DMD: variants seen among roughly 807,000 people sequenced by gnomAD.
DMD encodes the protein dystrophin.
DMD carries 63 observed loss-of-function variants against 330.1 expected under a neutral mutation model. That is an observed-to-expected ratio of 0.19 (90% CI 0.16 to 0.24). The LOEUF (loss-of-function observed/expected upper bound fraction) is 0.24. Ranked by LOEUF, DMD falls within the 10% of genes least tolerant of loss-of-function variation. The pLI, the probability that DMD is intolerant of heterozygous loss-of-function variation, is 1.00. For synonymous variants in DMD, 1,223 were observed against 959.8 expected, an observed-to-expected ratio of 1.27 and a Z score of -5.07; for missense variants, 3,344 against 2,684.1, an observed-to-expected ratio of 1.25 and a Z score of -5.43.
At chrX:33,030,668 T>A (rs1027243772) in intron 1 of DMD, among the ~76,000 whole-genome samples, 5 of 111,624 alleles carry the variant, frequency 4.5e-5, no homozygotes, top group African/African-American at 9.8e-5. Context: ...CCAGTGTAAT[T>A]TAGAGGTGAA....
chrX:32,787,217 T>A (rs1415697430), intron 7 of DMD, among the ~76,000 whole-genome samples: 4 of 46,346 alleles, frequency 8.6e-5, no homozygotes, highest in Non-Finnish European at 2.0e-4. Flanking sequence ...CTGTCAAGTG[T>A]GTGTGTGTGT....
intron 55 of DMD, among the ~76,000 whole-genome samples, chrX:31,521,323 C>T (rs1168452488): frequency 7.2e-5 from 8 of 110,425 alleles, no homozygotes; most frequent in African/African-American, 9.9e-5. Flanking sequence ...CCACCATGCC[C>T]GGCCAGTTTT....
chrX:32,593,057 G>T (rs1177866802), intron 13 of DMD, among the ~76,000 whole-genome samples: 2 of 112,685 alleles, frequency 1.8e-5, no homozygotes, highest in African/African-American at 6.5e-5. Context: ...CTTGCCCTTG[G>T]CAGGCATGGG....
intron 42 of DMD, among the ~76,000 whole-genome samples, chrX:32,300,854 C>T (rs331320): frequency 0.44 from 48,457 of 109,018 alleles, 7,913 homozygotes; most frequent in East Asian, 0.59. Flanking sequence ...ACCTCAAAAA[C>T]TGATGATCAC....
chrX:32,375,541 ACAGAAAGTATAC>A (rs1218131363), intron 34 of DMD, among the ~76,000 whole-genome samples: 1 of 112,122 alleles, frequency 8.9e-6, no homozygotes, highest in East Asian at 2.8e-4. Flanking sequence ...TTTTAGACAC[ACAGAAAGTATAC>A]CAAATGTAAT....
At chrX:32,596,503 CCTTCT>C (rs771337848) in intron 12 of DMD, among the ~76,000 whole-genome samples, 24 of 109,256 alleles carry the variant, frequency 2.2e-4, no homozygotes, top group African/African-American at 8.0e-4. Flanking sequence ...ATTCTTGACA[CCTTCT>C]CTTGATTACC....
chrX:32,387,594 C>T (rs768226137), intron 32 of DMD, among the ~76,000 whole-genome samples: 4 of 111,180 alleles, frequency 3.6e-5, no homozygotes, highest in Non-Finnish European at 5.7e-5. Flanking sequence ...CTGATCAATG[C>T]TACATGTATA....
chrX:33,299,546 A>T (rs1319051082), intron 1 of DMD, among the ~76,000 whole-genome samples: 3 of 111,584 alleles, frequency 2.7e-5, no homozygotes, highest in Admixed American at 1.9e-4. Context: ...TGGGCTAGGT[A>T]GTTGCTTCAG....
chrX:31,464,614 G>T (rs1204984410), intron 59 of DMD, among the ~76,000 whole-genome samples: 1 of 112,458 alleles, frequency 8.9e-6, no homozygotes, highest in Admixed American at 9.4e-5. Flanking sequence ...TGGTTCCAAT[G>T]TATACTACAC....
intron 52 of DMD, among the ~76,000 whole-genome samples, chrX:31,709,220 G>A (rs1232025173): frequency 9.0e-5 from 10 of 111,516 alleles, no homozygotes; most frequent in African/African-American, 2.9e-4. Flanking sequence ...GCAGTGAGCC[G>A]AGATTGAGCC....
At chrX:32,552,497 C>G (rs962439925) in intron 16 of DMD, among the ~76,000 whole-genome samples, 8 of 111,717 alleles carry the variant, frequency 7.2e-5, no homozygotes, top group African/African-American at 2.6e-4. Context: ...TAATGCCACT[C>G]TGGACATTGA....
chrX:31,196,994 T>G (rs1266798922), intron 67 of DMD, among the ~76,000 whole-genome samples: 1 of 111,207 alleles, frequency 9.0e-6, no homozygotes, highest in African/African-American at 3.3e-5. Context: ...TGTTTTGTTA[T>G]AGATAAAAGC....
At chrX:32,994,416 G>A (rs2093063646) in intron 2 of DMD, among the ~76,000 whole-genome samples, 1 of 110,082 alleles carries the variant, frequency 9.1e-6, no homozygotes, top group Non-Finnish European at 1.9e-5. Context: ...TTCTTTCTCC[G>A]TTTAGCCTTG....
rs969221046 is a variant in DMD at position 32,221,927 on chromosome X, G to T, written c.6291-4864C>A. On this transcript the variant is annotated intron_variant, in intron 43 of 78. Coordinates refer to ENST00000357033, the MANE Select transcript of DMD (RefSeq NM_004006.3). ...GGCTGAGTAGTATTGCATGGTATGT[G>T]GCTGAATAGTATTTCACGGTATATG... Among the ~76,000 whole-genome samples the T allele has an allele frequency of 1.5e-4, 17 of 111,964 alleles. 1 individual carries two copies. The highest frequency in any genetic ancestry group is 5.5e-4 in the African/African-American group (17 of 30,830).
rs746437287 is a variant in DMD, at chrX:31,967,297, GGTGTGTGTGTGTGTGTGTGT to G, written c.6614+1022_6614+1041del. On this transcript the variant is annotated intron_variant, in intron 45 of 78. Coordinates refer to ENST00000357033, the MANE Select transcript of DMD (RefSeq NM_004006.3). ...CTATAATTCTTTAACTTTGGCAAGG[GGTGTGTGTGTGTGTGTGTGT>G]GTGTGTGTGTGTGTGTGTGTGTGTG... Among the ~76,000 whole-genome samples, 387 of 74,579 alleles carry G rather than the reference GGTGTGTGTGTGTGTGTGTGT, an allele frequency of 5.2e-3. 4 individuals carry two copies. The highest frequency in any genetic ancestry group is 0.012 in the African/African-American group (259 of 21,288). The allele number at this position is 74,579 out of a possible 115,157, so 64.8% of individuals were successfully genotyped here.
At chrX:31,889,620 G>GTCTC (rs34605571) in intron 47 of DMD, among the ~76,000 whole-genome samples, 5,522 of 80,140 alleles carry the variant, frequency 0.069, 186 homozygotes, top group Non-Finnish European at 0.1. Flanking sequence ...CTCTCTCTCT[G>GTCTC]TCTCTCTCTC....
chrX:31,235,930 C>G (rs2047679935), intron 63 of DMD, among the ~76,000 whole-genome samples: 1 of 112,520 alleles, frequency 8.9e-6, no homozygotes, highest in East Asian at 2.8e-4. Context: ...AACACCCCTT[C>G]CCAAATTCTT....
At chrX:32,536,307 C>T (rs187407686) in intron 17 of DMD, among the ~76,000 whole-genome samples, 1 of 100,150 alleles carries the variant, frequency 1.0e-5, no homozygotes, top group East Asian at 3.1e-4. Context: ...TGGCTGAGAA[C>T]TGCCTCTGCA....
At chrX:33,155,858 G>A (rs2048486094) in intron 1 of DMD, among the ~76,000 whole-genome samples, 1 of 110,721 alleles carries the variant, frequency 9.0e-6, no homozygotes, top group Non-Finnish European at 1.9e-5. Context: ...TAGCCCAGGA[G>A]TTTGAGGCTT....
Sources: allele counts gnomAD v4.1 joint callset (sites outside exome capture counted in the v4.1 genomes callset), GRCh38; gene constraint gnomAD v4.1.1; transcripts MANE v1.5; gene names NCBI Gene and HGNC (gene_info 2026-07-23, HGNC 2026-07-21).